OLFM3: variants seen among roughly 807,000 people sequenced by gnomAD.
OLFM3 encodes olfactomedin 3.
OLFM3 carries 20 observed loss-of-function variants against 48.6 expected under a neutral mutation model. The observed-to-expected ratio is 0.41, with a 90% CI of 0.29 to 0.60. The LOEUF is 0.60. OLFM3 is among the 20% of genes least tolerant of loss of function. The pLI, the probability that OLFM3 is intolerant of heterozygous loss-of-function variation, is 0.28. For missense variants in OLFM3, 437 were observed against 544.3 expected, an observed-to-expected ratio of 0.80 and a Z score of 1.96; for synonymous variants, 222 against 198.1, an observed-to-expected ratio of 1.12 and a Z score of -1.01.
chr1:101,819,857 A>G (rs778179285), intron 4 of OLFM3, among the ~76,000 whole-genome samples: 9 of 152,044 alleles, frequency 5.9e-5, no homozygotes, highest in Admixed American at 1.3e-4. Flanking sequence ...TATCTGTTTT[A>G]GTGAAGTTGA....
chr1:101,889,065 T>C (rs1029342813), intron 1 of OLFM3, among the ~76,000 whole-genome samples: 1 of 152,212 alleles, frequency 6.6e-6, no homozygotes, highest in Non-Finnish European at 1.5e-5. Flanking sequence ...GACTCTAAAC[T>C]AGTTCAACCA....
intron 1 of OLFM3, among the ~76,000 whole-genome samples, chr1:101,851,951 C>G (rs2100949467): frequency 6.6e-6 from 1 of 152,192 alleles, no homozygotes; most frequent in East Asian, 1.9e-4. Context: ...GTTTGCTTTT[C>G]TAACAAGCTC....
chr1:101,869,724 G>A (rs1259222561), intron 1 of OLFM3, among the ~76,000 whole-genome samples: 1 of 152,112 alleles, frequency 6.6e-6, no homozygotes, highest in Non-Finnish European at 1.5e-5. Context: ...CCCAGTGGGA[G>A]GTAATTGAAT....
chr1:101,923,027 C>T (rs958839040), intron 1 of OLFM3, among the ~76,000 whole-genome samples: 39 of 152,152 alleles, frequency 2.6e-4, no homozygotes, highest in Non-Finnish European at 5.9e-5. Context: ...CAAGCAAAGT[C>T]ATAGCATCTG....
At chr1:101,966,850 G>A (rs1480456315) in intron 1 of OLFM3, among the ~76,000 whole-genome samples, 1 of 152,128 alleles carries the variant, frequency 6.6e-6, no homozygotes, top group Non-Finnish European at 1.5e-5. Flanking sequence ...ATTGTTAGCA[G>A]TTTGGGTTTG....
chr1:101,853,349 A>T (rs1220915506), intron 1 of OLFM3, among the ~76,000 whole-genome samples: 1 of 152,004 alleles, frequency 6.6e-6, no homozygotes, highest in Non-Finnish European at 1.5e-5. Context: ...TCCCAAGATC[A>T]TCTCTCATAA....
At chr1:101,812,759 C>T (rs12758776) in intron 4 of OLFM3, 165,362 of 987,382 alleles carry the variant, frequency 0.17, 14,329 homozygotes, top group African/African-American at 0.21. Flanking sequence ...GCTTCTGGCT[C>T]TTAAACTAAA....
chr1:101,993,727 C>A (rs1661479196), intron 1 of OLFM3, among the ~76,000 whole-genome samples: 1 of 151,998 alleles, frequency 6.6e-6, no homozygotes, highest in Non-Finnish European at 1.5e-5. Context: ...GGATTGCCTT[C>A]CTTTGTTGGA....
chr1:101,939,188 C>T (rs1659713237), intron 1 of OLFM3, among the ~76,000 whole-genome samples: 1 of 152,192 alleles, frequency 6.6e-6, no homozygotes. Context: ...ATATACTAAA[C>T]TTCATAAGTT....
At chr1:101,989,860 G>T (rs950773130) in intron 1 of OLFM3, among the ~76,000 whole-genome samples, 18 of 152,090 alleles carry the variant, frequency 1.2e-4, no homozygotes, top group Admixed American at 3.3e-4. Context: ...ATGACCCTCT[G>T]CCTTGATTGA....
chr1:101,985,055 C>A (rs1395842603), intron 1 of OLFM3, among the ~76,000 whole-genome samples: 1 of 152,204 alleles, frequency 6.6e-6, no homozygotes, highest in Non-Finnish European at 1.5e-5. Flanking sequence ...GCATCCATTT[C>A]TTTTGGCTTT....
At chr1:101,907,016 T>C (rs1020316764) in intron 1 of OLFM3, among the ~76,000 whole-genome samples, 20 of 152,334 alleles carry the variant, frequency 1.3e-4, no homozygotes, top group African/African-American at 4.6e-4. Flanking sequence ...ATTTTGAAAT[T>C]AAAATGTTTA....
chr1:101,846,660 C>A (rs1656008991), intron 1 of OLFM3, among the ~76,000 whole-genome samples: 1 of 151,996 alleles, frequency 6.6e-6, no homozygotes, highest in African/African-American at 2.4e-5. Context: ...CTCAAGCAGT[C>A]CATTTTTGGG....
intron 1 of OLFM3, among the ~76,000 whole-genome samples, chr1:101,917,701 G>A (rs1315492704): frequency 1.3e-5 from 2 of 152,148 alleles, no homozygotes; most frequent in African/African-American, 4.8e-5. Flanking sequence ...ATGGGCATGA[G>A]CCACAACGTC....
At chr1:101,828,034 G>GTCTC (rs1557691370) in intron 3 of OLFM3, among the ~76,000 whole-genome samples, 3 of 76,602 alleles carry the variant, frequency 3.9e-5, no homozygotes, top group Admixed American at 1.1e-4. Context: ...CTCTCTCTCT[G>GTCTC]TCTGTCTGTC....
At chr1:101,805,595 G>A (rs1321315525) in intron 5 of OLFM3, among the ~76,000 whole-genome samples, 1 of 151,706 alleles carries the variant, frequency 6.6e-6, no homozygotes, top group Non-Finnish European at 1.5e-5. Context: ...AAGTTTCAGC[G>A]CTATTTCTTT....
chr1:101,962,449 A>G (rs1298756129), intron 1 of OLFM3, among the ~76,000 whole-genome samples: 1 of 152,148 alleles, frequency 6.6e-6, no homozygotes, highest in African/African-American at 2.4e-5. Flanking sequence ...ATTGAGCTTT[A>G]TTCTCTAACT....
chr1:101,959,821 T>A (rs1351324100), intron 1 of OLFM3, among the ~76,000 whole-genome samples: 1 of 152,112 alleles, frequency 6.6e-6, no homozygotes, highest in Non-Finnish European at 1.5e-5. Context: ...TCAACCAAAC[T>A]CACAAGAAAG....
rs762995579 is a variant in OLFM3, at chr1:101,836,951, T to G, written c.144A>C (p.Thr48=). 1 of 1,614,164 alleles carries G rather than the reference T, an allele frequency of 6.2e-7. No homozygotes were observed. The highest frequency in any genetic ancestry group is 1.1e-5 in the South Asian group (1 of 91,074). Residue 48 remains threonine (T), a synonymous_variant, in exon 2 of 6, where the codon ACA becomes ACC. Coordinates refer to ENST00000370103, the MANE Select transcript of OLFM3 (RefSeq NM_058170.4). The stretch of plus-strand genomic sequence containing the variant: ...ACAGGTTTTGTTCTGGAGCAACAAC[T>G]GTGCAAATGCACCGCCCATCAGGAT... The part of the protein sequence containing the change: ...AQDPDGRCIC[T]VVAPEQNLCS...
Sources: gnomAD v4.1 joint callset for allele counts (sites outside exome capture counted in the v4.1 genomes callset) on GRCh38, gnomAD v4.1.1 for gene constraint, MANE v1.5 for transcripts, NCBI Gene and HGNC (gene_info 2026-07-23, HGNC 2026-07-21) for gene names.